CSF2RA: variants seen among roughly 807,000 people sequenced by gnomAD.
CSF2RA encodes colony stimulating factor 2 receptor subunit alpha.
Under a neutral mutation model 51.6 loss-of-function variants are expected in CSF2RA, and 42 were observed. The ratio of observed to expected loss-of-function variants is 0.81; its 90% CI spans 0.64 to 1.05. The LOEUF is 1.05. Among genes scored for constraint, CSF2RA ranks in the 50% least tolerant of loss-of-function variants. The pLI is 0.00. For synonymous variants in CSF2RA, 222 were observed against 193.0 expected (o/e 1.15, Z -1.24); for missense variants, 530 against 501.1 (o/e 1.06, Z -0.55).
the CSF2RA span, among the ~76,000 whole-genome samples, chrX:1,323,950 G>A: frequency 6.6e-6 from 1 of 151,938 alleles, no homozygotes; most frequent in Admixed American, 6.6e-5. Context: ...GGAGGCCGAG[G>A]TTGTGGTGAG....
chrX:1,305,343 G>C, intron 11 of CSF2RA, 103 bp from the exon 12 acceptor site: 1 of 1,288,684 alleles, frequency 7.8e-7, no homozygotes. Context: ...GCATAGTTGA[G>C]CGCAGACACC....
At position 1,278,930 on chromosome X, in the gene CSF2RA, C is replaced by T. The variant is rs186704376; in HGVS notation, c.-26-3748C>T. Among the ~76,000 whole-genome samples the T allele has an allele frequency of 4.0e-3, 592 of 148,686 alleles. 3 individuals are homozygous for T. Among genetic ancestry groups the T allele is most frequent in the African/African-American group, 0.014 (573 of 40,360 alleles). On this transcript the variant is annotated intron_variant, in intron 2 of 12. Transcript: ENST00000381529. ...GTGCGTGCCTGTAGTCCCAGCTACTCGGAGGCTGAGGCAGTAGAATCACTT... is the reference window on the plus strand; with the variant it reads ...GTGCGTGCCTGTAGTCCCAGCTACTTGGAGGCTGAGGCAGTAGAATCACTT...
At chrX:1,295,262 T>C (rs2091833373) in intron 8 of CSF2RA, among the ~76,000 whole-genome samples, 165 bp from the exon 9 acceptor site, 1 of 152,144 alleles carries the variant, frequency 6.6e-6, no homozygotes, top group African/African-American at 2.4e-5. Context: ...CTCCTCATCC[T>C]ACCTGTCTTG....
At chrX:1,295,404 G>A (rs2091844823) in intron 8 of CSF2RA, 23 bp from the exon 9 acceptor site, 2 of 1,613,460 alleles carry the variant, frequency 1.2e-6, no homozygotes, top group African/African-American at 1.3e-5. Context: ...TGAGCCTTGT[G>A]TTGTGTTTTG....
chrX:1,278,496 C>T (rs185927173), intron 2 of CSF2RA, among the ~76,000 whole-genome samples: 2 of 131,780 alleles, frequency 1.5e-5, no homozygotes, highest in African/African-American at 2.9e-5. Context: ...AGACCAGCCT[C>T]GCCAACATGG....
chrX:1,287,497 G>A (rs1445109352), intron 4 of CSF2RA, among the ~76,000 whole-genome samples: 1 of 145,514 alleles, frequency 6.9e-6, no homozygotes, highest in Non-Finnish European at 1.5e-5. Context: ...AGGCTGGAGT[G>A]CACTGGCGTG....
At chrX:1,292,627 C>G (rs1278632553) in intron 7 of CSF2RA, among the ~76,000 whole-genome samples, 2 of 152,124 alleles carry the variant, frequency 1.3e-5, no homozygotes, top group Non-Finnish European at 2.9e-5. Flanking sequence ...TTATGCTTCT[C>G]TCCACACAAA....
chrX:1,289,604 TTGTG>T (rs1464428409), intron 6 of CSF2RA, among the ~76,000 whole-genome samples: 3 of 152,126 alleles, frequency 2.0e-5, no homozygotes, highest in Admixed American at 6.6e-5. Context: ...TTTTTGTTTT[TTGTG>T]TTTGTTTTTG....
At chrX:1,305,629 T>C (rs774359460) in intron 12 of CSF2RA, 102 bp downstream of exon 12, 2 of 1,613,438 alleles carry the variant, frequency 1.2e-6, no homozygotes, top group South Asian at 1.1e-5. Flanking sequence ...CTCCACCAGA[T>C]GGGACCGCAG....
chrX:1,276,191 TTG>T (rs1229962455), intron 2 of CSF2RA, among the ~76,000 whole-genome samples: 4 of 149,704 alleles, frequency 2.7e-5, no homozygotes, highest in Non-Finnish European at 5.9e-5. Flanking sequence ...GTTTGTTTGT[TTG>T]TTTGTTTGTT....
intron 3 of CSF2RA, 45 bp from the exon 4 acceptor site, chrX:1,285,717 AAAAAAAAAAAAAAAGG>A: frequency 2.2e-6 from 3 of 1,369,392 alleles, no homozygotes; most frequent in Non-Finnish European, 2.0e-6. Flanking sequence ...AAAAAAAAAA[AAAAAAAAAAAAAAAGG>A]AAAAGAAAAG....
chrX:1,280,822 G>A (rs1401878610), intron 2 of CSF2RA, among the ~76,000 whole-genome samples: 9 of 131,686 alleles, frequency 6.8e-5, no homozygotes, highest in Non-Finnish European at 9.4e-5. Context: ...GAATCATACC[G>A]AGTAGCTTCT....
At chrX:1,287,613 T>C (rs2090893015) in intron 4 of CSF2RA, among the ~76,000 whole-genome samples, 1 of 143,594 alleles carries the variant, frequency 7.0e-6, no homozygotes, top group African/African-American at 2.6e-5. Flanking sequence ...CTGGCTAATT[T>C]TTGTATTTTT....
intron 9 of CSF2RA, among the ~76,000 whole-genome samples, chrX:1,299,625 A>C (rs1455657955): frequency 6.6e-6 from 1 of 152,162 alleles, no homozygotes; most frequent in African/African-American, 2.4e-5. Flanking sequence ...TGTTTCAGAA[A>C]ATAAAATTTT....
the CSF2RA span, among the ~76,000 whole-genome samples, chrX:1,315,778 GATAGA>G: frequency 3.3e-5 from 1 of 30,460 alleles, no homozygotes; most frequent in African/African-American, 9.1e-5. Flanking sequence ...ATAATAGATA[GATAGA>G]TAGATAGATA....
chrX:1,293,905 G>T, intron 7 of CSF2RA: 1 of 326,934 alleles, frequency 3.1e-6, no homozygotes. Context: ...GTGTAGACAG[G>T]AGAAGACTCT....
chrX:1,290,506 A>C lies in CSF2RA; in HGVS notation c.643A>C (p.Ile215Leu). Residue 215 changes from isoleucine (I) to leucine (L), a missense_variant, in exon 7 of 13, where the codon ATA becomes CTA. Ile to Leu is a conservative substitution (Grantham distance 5). Coordinates refer to ENST00000381529, the MANE Select transcript of CSF2RA (RefSeq NM_172245.4). ...FFDSLLDTKKIERFNPPSNVT... is the reference protein window; with the variant it reads ...FFDSLLDTKKLERFNPPSNVT... ...TGATTCACTTTTGGACACAAAGAAAATAGGTGAGAATAACACATATGATTT... is the reference window on the plus strand; with the variant it reads ...TGATTCACTTTTGGACACAAAGAAACTAGGTGAGAATAACACATATGATTT... The C allele has an allele frequency of 1.2e-6, 2 of 1,613,454 alleles. No individual in the cohort carries two copies. Among genetic ancestry groups the C allele is most frequent in the Middle Eastern group, 1.7e-4 (1 of 6,056 alleles).
chrX:1,320,313 C>T, the CSF2RA span, among the ~76,000 whole-genome samples: 1 of 152,068 alleles, frequency 6.6e-6, no homozygotes, highest in Non-Finnish European at 1.5e-5. Context: ...CAGGCGTGAG[C>T]CATTGCACCC....
chrX:1,295,431 C>T lies in CSF2RA; in HGVS notation c.785C>T (p.Thr262Ile). 1 of 1,613,474 alleles carries T rather than the reference C, an allele frequency of 6.2e-7. No homozygotes were observed. The highest frequency in any genetic ancestry group is 8.5e-7 in the Non-Finnish European group (1 of 1,179,570). Residue 262 changes from threonine to isoleucine, a missense_variant, in exon 9 of 13, where the codon ACC becomes ATC. Transcript: ENST00000381529. ...QYQLDVHRKNTQPGTENLLIN... is the reference protein window; with the variant it reads ...QYQLDVHRKNIQPGTENLLIN... ...TGTGTTTTGTTTTGTTTCTAGAATA[C>T]CCAGCCTGGCACGGAAAACCTACTG...
Sources: allele counts gnomAD v4.1 joint callset (sites outside exome capture counted in the v4.1 genomes callset), GRCh38; gene constraint gnomAD v4.1.1; transcripts MANE v1.5; gene names NCBI Gene and HGNC (gene_info 2026-07-23, HGNC 2026-07-21).